The following SPATA31H1 variants were observed in gnomAD, a reference collection of about 807,000 sequenced individuals.
The protein encoded by SPATA31H1 is SPATA31 subfamily H member 1, also known as spermatogenesis-associated protein 31H1.
At chr2:27,581,432 G>A in the SPATA31H1 span, 6 of 1,613,368 alleles carry the variant, frequency 3.7e-6, no homozygotes, top group South Asian at 3.3e-5. Context: ...CCCCCGAGAG[G>A]AGCTGTCACA....
At chr2:27,566,635 CA>C in the SPATA31H1 span, 1 of 492,244 alleles carries the variant, frequency 2.0e-6, no homozygotes. Flanking sequence ...TTTTTTTTTT[CA>C]AATTCTCCTT....
the SPATA31H1 span, among the ~76,000 whole-genome samples, chr2:27,547,978 T>TC: frequency 7.8e-6 from 1 of 127,792 alleles, no homozygotes; most frequent in Non-Finnish European, 1.6e-5. Context: ...AATAGTAATT[T>TC]CTTTTTTTTT....
the SPATA31H1 span, chr2:27,581,154 C>T: frequency 1.7e-5 from 27 of 1,614,076 alleles, no homozygotes; most frequent in South Asian, 2.2e-5. Context: ...AACCTGGCAC[C>T]GACATCTTAA....
chr2:27,582,413 A>G, the SPATA31H1 span: 3 of 1,614,088 alleles, frequency 1.9e-6, no homozygotes, highest in East Asian at 4.5e-5. Context: ...GTTTCCCTGG[A>G]GAGAGGCCCA....
chr2:27,577,207 T>C, the SPATA31H1 span: 3 of 1,613,906 alleles, frequency 1.9e-6, no homozygotes. This position sits in a 1 kb window ranked among gnomAD's most constrained non-coding sequence, Gnocchi z 4.5. Flanking sequence ...CTGACTCCAA[T>C]GGTAAGGGAT....
At chr2:27,579,153 A>G in the SPATA31H1 span, 1 of 1,614,196 alleles carries the variant, frequency 6.2e-7, no homozygotes, top group South Asian at 1.1e-5. Flanking sequence ...AGGGGTTCAG[A>G]AAGGTCTCAT....
the SPATA31H1 span, chr2:27,575,304 T>C: frequency 5.0e-6 from 2 of 398,564 alleles, no homozygotes; most frequent in Non-Finnish European, 8.8e-6. This position sits in a 1 kb window ranked among gnomAD's most constrained non-coding sequence, Gnocchi z 4.1. Flanking sequence ...ATCTCATAAA[T>C]TGAATCCATG....
chr2:27,543,547 C>CA, the SPATA31H1 span, among the ~76,000 whole-genome samples: 7,508 of 129,840 alleles, frequency 0.058, 625 homozygotes, highest in African/African-American at 0.19. Context: ...ACTAGGTTGG[C>CA]AAAAAAAAAA....
chr2:27,545,877 T>A, the SPATA31H1 span, among the ~76,000 whole-genome samples: 1 of 151,990 alleles, frequency 6.6e-6, no homozygotes, highest in Non-Finnish European at 1.5e-5. Context: ...TTTTTCATTT[T>A]AGTCACTCTG....
At chr2:27,567,222 A>C in the SPATA31H1 span, 1 of 622,338 alleles carries the variant, frequency 1.6e-6, no homozygotes, top group Non-Finnish European at 2.9e-6. Context: ...TTCCAAGGAG[A>C]GACCACGACT....
At chr2:27,543,729 C>T in the SPATA31H1 span, among the ~76,000 whole-genome samples, 1 of 151,794 alleles carries the variant, frequency 6.6e-6, no homozygotes, top group East Asian at 1.9e-4. Context: ...CCCTCTCTAC[C>T]AGTCTCAGGG....
At chr2:27,580,525 T>C in the SPATA31H1 span, 41 of 1,614,070 alleles carry the variant, frequency 2.5e-5, no homozygotes, top group Non-Finnish European at 3.3e-5. Flanking sequence ...TCTAGGGAAT[T>C]AGCAGCCCAT....
the SPATA31H1 span, among the ~76,000 whole-genome samples, chr2:27,541,610 C>T: frequency 6.6e-6 from 1 of 151,768 alleles, no homozygotes; most frequent in Non-Finnish European, 1.5e-5. Context: ...TTTTAAACGA[C>T]ATAGGCAACA....
At chr2:27,580,352 C>T in the SPATA31H1 span, 1 of 1,614,156 alleles carries the variant, frequency 6.2e-7, no homozygotes, top group South Asian at 1.1e-5. Context: ...CTCAAGTTCA[C>T]AACCTACCAG....
chr2:27,576,658 T>C, the SPATA31H1 span: 6 of 1,613,830 alleles, frequency 3.7e-6, no homozygotes, highest in South Asian at 1.1e-5. Flanking sequence ...TCAATGATGT[T>C]GGTACCAGAG....
At chr2:27,567,538 C>G in the SPATA31H1 span, 1 of 403,670 alleles carries the variant, frequency 2.5e-6, no homozygotes, top group Non-Finnish European at 4.4e-6. Context: ...AGCACAGAAA[C>G]AAAACTTTCA....
chr2:27,546,342 C>G, the SPATA31H1 span, among the ~76,000 whole-genome samples: 1 of 151,768 alleles, frequency 6.6e-6, no homozygotes, highest in Non-Finnish European at 1.5e-5. Context: ...ACATTTAGCT[C>G]TATGATCCAT....
the SPATA31H1 span, among the ~76,000 whole-genome samples, chr2:27,544,066 A>G: frequency 6.6e-6 from 1 of 151,978 alleles, no homozygotes; most frequent in Non-Finnish European, 1.5e-5. Context: ...ACATGAATCT[A>G]CTTCCTTTCT....
chr2:27,557,966 C>G, the SPATA31H1 span, among the ~76,000 whole-genome samples: 1 of 2,774 alleles, frequency 3.6e-4, no homozygotes, highest in Non-Finnish European at 1.3e-3. Context: ...CAGAGGGGCT[C>G]CTCACTTCCC....
Sources: allele counts gnomAD v4.1 joint callset (sites outside exome capture counted in the v4.1 genomes callset), GRCh38; gene constraint gnomAD v4.1.1; non-coding constraint Gnocchi (gnomAD v3.1); transcripts MANE v1.5; gene names NCBI Gene and HGNC (gene_info 2026-07-23, HGNC 2026-07-21).